Variants in SHC3 observed in about 807,000 individuals in gnomAD.
SHC3 encodes SHC-transforming protein 3.
In SHC3, 15 loss-of-function variants were observed where a neutral mutation model predicts 60.4. That is an observed-to-expected ratio of 0.25 (90% confidence interval 0.17 to 0.38). The LOEUF (loss-of-function observed/expected upper bound fraction) is 0.38. SHC3 is among the 10% of genes least tolerant of loss of function. SHC3 has a pLI of 1.00. For synonymous variants in SHC3, 294 were observed against 325.9 expected (o/e 0.90, Z 1.05); for missense variants, 677 against 786.1 (o/e 0.86, Z 1.66).
At chr9:89,042,385 A>T (rs1001950873) in intron 9 of SHC3, among the ~76,000 whole-genome samples, 1 of 152,156 alleles carries the variant, frequency 6.6e-6, no homozygotes, top group Non-Finnish European at 1.5e-5. Context: ...TCATATCAGC[A>T]TGGGGTCTGC....
intron 9 of SHC3, among the ~76,000 whole-genome samples, chr9:89,043,604 A>G (rs966637636): frequency 6.6e-6 from 1 of 152,100 alleles, no homozygotes; most frequent in African/African-American, 2.4e-5. Flanking sequence ...CTGCCAGCAA[A>G]TTAATAAGTG....
chr9:89,069,173 G>A (rs950016366), intron 5 of SHC3, among the ~76,000 whole-genome samples: 2 of 152,146 alleles, frequency 1.3e-5, no homozygotes, highest in Admixed American at 1.3e-4. Flanking sequence ...GCCAGGCATG[G>A]TGGTGTGTGC....
intron 2 of SHC3, among the ~76,000 whole-genome samples, chr9:89,101,627 T>A (rs1461279068): frequency 1.3e-5 from 2 of 151,554 alleles, no homozygotes; most frequent in African/African-American, 2.4e-5. Flanking sequence ...ATATTTTTTT[T>A]AATTTGCCAA....
rs566653611 is a variant in SHC3 at position 89,150,309 on chromosome 9, T to C, written c.474+27678A>G. ...GTACAACCATCACCATTTAATTCTA[T>C]AGTCTTTTTTCATAATCCCAAAAAA... is the stretch of plus-strand genomic sequence containing the variant. On this transcript the variant is annotated intron_variant, in intron 1 of 11. Coordinates refer to ENST00000375835, the MANE Select transcript of SHC3 (RefSeq NM_016848.6). Among the ~76,000 whole-genome samples the C allele has an allele frequency of 1.8e-4, 27 of 152,210 alleles. No individual in the cohort carries two copies. The East Asian group carries it at 4.8e-3, about 27-fold the overall frequency.
At chr9:89,055,107 GT>G (rs1177861366) in intron 6 of SHC3, among the ~76,000 whole-genome samples, 1 of 152,266 alleles carries the variant, frequency 6.6e-6, no homozygotes, top group Non-Finnish European at 1.5e-5. Context: ...TGGGGATGTG[GT>G]GGCTTTCAGC....
At chr9:89,084,451 G>A (rs1372006699) in intron 2 of SHC3, among the ~76,000 whole-genome samples, 1 of 152,116 alleles carries the variant, frequency 6.6e-6, no homozygotes, top group East Asian at 1.9e-4. Context: ...ATAAGCTCTT[G>A]GGATTACTAA....
intron 2 of SHC3, among the ~76,000 whole-genome samples, chr9:89,097,658 T>G (rs1825724785): frequency 6.6e-6 from 1 of 152,206 alleles, no homozygotes; most frequent in Non-Finnish European, 1.5e-5. Context: ...AAATAATGAT[T>G]GAGCACCTAC....
intron 1 of SHC3, among the ~76,000 whole-genome samples, chr9:89,171,455 C>T (rs971624496): frequency 8.5e-5 from 13 of 152,124 alleles, no homozygotes; most frequent in Non-Finnish European, 1.6e-4. Context: ...AGGGTTCATA[C>T]GAGTTTAAAT....
At chr9:89,108,864 T>C (rs1825904238) in intron 2 of SHC3, among the ~76,000 whole-genome samples, 1 of 152,212 alleles carries the variant, frequency 6.6e-6, no homozygotes, top group Non-Finnish European at 1.5e-5. Context: ...GTCCACTTAG[T>C]AGAGTTCGTG....
chr9:89,099,829 G>A (rs909037163), intron 2 of SHC3, among the ~76,000 whole-genome samples: 5 of 152,202 alleles, frequency 3.3e-5, no homozygotes, highest in African/African-American at 1.2e-4. Context: ...TCTTAACAGC[G>A]TTGAGTTTGT....
At chr9:89,034,194 A>T (rs1354023463) in intron 11 of SHC3, among the ~76,000 whole-genome samples, 2 of 152,356 alleles carry the variant, frequency 1.3e-5, no homozygotes, top group South Asian at 2.1e-4. Context: ...ACCTATATAT[A>T]ATCAAAGTAA....
In SHC3 at chr9:89,178,548, C is replaced by A. The variant is rs1826983773; in HGVS notation, c.-88G>T. 2.0e-5 allele frequency: 26 copies of A among 1,302,082 alleles called. No homozygotes were observed. Among genetic ancestry groups the A allele is most frequent in the Non-Finnish European group, 2.6e-5 (26 of 985,458 alleles). 80.7% of individuals were successfully genotyped at this position (1,302,082 alleles called of 1,614,324 possible). A position where few individuals can be genotyped will look rare whatever the true frequency, so the allele number is the denominator to read the frequency against. ...CCGCGCATAGCAGGCGAGCCACTGT[C>A]CCCGGAGCGGGACGGAGAGTGGGGG... On this transcript the variant is annotated 5_prime_UTR_variant, in exon 1 of 12. Coordinates refer to ENST00000375835, the MANE Select transcript of SHC3 (RefSeq NM_016848.6). This position sits in a 1 kb window ranked among gnomAD's most constrained non-coding sequence, Gnocchi z 6.9.
At chr9:89,132,632 C>A (rs1042939637) in intron 1 of SHC3, among the ~76,000 whole-genome samples, 1 of 152,158 alleles carries the variant, frequency 6.6e-6, no homozygotes, top group Non-Finnish European at 1.5e-5. Context: ...TGATCTTTGA[C>A]AAACCTGACA....
intron 11 of SHC3, among the ~76,000 whole-genome samples, chr9:89,019,616 A>G (rs918004460): frequency 2.0e-5 from 3 of 152,228 alleles, no homozygotes; most frequent in African/African-American, 4.8e-5. Flanking sequence ...TCAGGAATGA[A>G]CACGTGGAAT....
At chr9:89,139,847 C>A (rs945642310) in intron 1 of SHC3, among the ~76,000 whole-genome samples, 1 of 152,182 alleles carries the variant, frequency 6.6e-6, no homozygotes, top group Admixed American at 6.5e-5. Flanking sequence ...AGCTAGGGAG[C>A]ATGGCTCTCC....
At position 89,112,242 on chromosome 9, in the gene SHC3, A is replaced by G. The variant is rs191583028; in HGVS notation, c.545+314T>C. 3.3e-5 allele frequency among the ~76,000 whole-genome samples: 5 copies of G among 152,348 alleles called. No homozygotes were observed. The East Asian group carries it at 9.6e-4, about 29-fold the overall frequency. ...AACATGGTTCAGTACATTTTAAAATACCAATCTTGTGTTAGAGTTTCACAC... is the reference window on the plus strand; with the variant it reads ...AACATGGTTCAGTACATTTTAAAATGCCAATCTTGTGTTAGAGTTTCACAC... On this transcript the variant is annotated intron_variant, in intron 2 of 11. Coordinates refer to ENST00000375835, the MANE Select transcript of SHC3 (RefSeq NM_016848.6).
intron 2 of SHC3, among the ~76,000 whole-genome samples, chr9:89,097,800 C>A (rs981277646): frequency 2.0e-5 from 3 of 152,200 alleles, no homozygotes; most frequent in Non-Finnish European, 4.4e-5. Context: ...TAATGGGGTT[C>A]AATCTCCATC....
intron 1 of SHC3, among the ~76,000 whole-genome samples, chr9:89,166,453 A>C (rs1826790493): frequency 6.6e-6 from 1 of 152,226 alleles, no homozygotes; most frequent in Non-Finnish European, 1.5e-5. Flanking sequence ...ACTGGAAAAA[A>C]TCCAGAAACA....
At chr9:89,112,678 A>G in intron 1 of SHC3, 52 bp from the exon 2 acceptor site, 1 of 1,507,868 alleles carries the variant, frequency 6.6e-7, no homozygotes, top group Non-Finnish European at 8.9e-7. Context: ...AGATAAAGAG[A>G]CAACTCCTAA....
Sources: gnomAD v4.1 joint callset for allele counts (sites outside exome capture counted in the v4.1 genomes callset) on GRCh38, gnomAD v4.1.1 for gene constraint, Gnocchi (gnomAD v3.1) non-coding constraint, MANE v1.5 for transcripts, NCBI Gene and HGNC (gene_info 2026-07-23, HGNC 2026-07-21) for gene names.